SRBD1: variants seen among roughly 807,000 people sequenced by gnomAD.
SRBD1 encodes S1 RNA-binding domain-containing protein 1.
Under a neutral mutation model 115.3 loss-of-function variants are expected in SRBD1, and 88 were observed. The ratio of observed to expected loss-of-function variants is 0.76; its 90% CI spans 0.64 to 0.91. The LOEUF is 0.91. Among genes scored for constraint, SRBD1 ranks in the 40% least tolerant of loss-of-function variants. The probability of loss-of-function intolerance (pLI) is 0.00; values close to 1 mark genes in which losing one functional copy is unlikely to be tolerated. For missense variants in SRBD1, 1,385 were observed against 1,177.4 expected, an observed-to-expected ratio of 1.18 and a Z score of -2.58; for synonymous variants, 509 against 407.7, an observed-to-expected ratio of 1.25 and a Z score of -2.99.
chr2:45,540,378 T>C (rs982366596), intron 14 of SRBD1, among the ~76,000 whole-genome samples: 14 of 150,910 alleles, frequency 9.3e-5, no homozygotes, highest in Non-Finnish European at 4.4e-5. Context: ...TGGATGTCAA[T>C]TCTCCAAAAA....
intron 15 of SRBD1, among the ~76,000 whole-genome samples, chr2:45,477,427 C>G (rs536560801): frequency 6.6e-6 from 1 of 152,294 alleles, no homozygotes; most frequent in Admixed American, 6.5e-5. Flanking sequence ...TCATGCTTCA[C>G]AGAGGAAGCA....
At chr2:45,608,491 C>G (rs1674342901) in intron 1 of SRBD1, among the ~76,000 whole-genome samples, 2 of 152,152 alleles carry the variant, frequency 1.3e-5, no homozygotes, top group Admixed American at 1.3e-4. Flanking sequence ...CCTGTTTCTC[C>G]ATCTCCACTA....
intron 10 of SRBD1, among the ~76,000 whole-genome samples, chr2:45,562,281 G>A (rs900006869): frequency 2.6e-5 from 4 of 152,184 alleles, no homozygotes; most frequent in Admixed American, 6.5e-5. Context: ...AGGCTGGAGT[G>A]CAGTGGTGTG....
chr2:45,398,682 G>A (rs967150355), intron 19 of SRBD1, among the ~76,000 whole-genome samples: 2 of 151,970 alleles, frequency 1.3e-5, no homozygotes, highest in East Asian at 1.9e-4. Context: ...AAAAAGTCCC[G>A]AGATAGAAAT....
chr2:45,582,639 T>A (rs1301147629), intron 5 of SRBD1, among the ~76,000 whole-genome samples: 1 of 152,188 alleles, frequency 6.6e-6, no homozygotes, highest in East Asian at 1.9e-4. Context: ...ATCTTAATGT[T>A]CAAATTTTTC....
At chr2:45,521,308 C>T (rs902374811) in intron 14 of SRBD1, among the ~76,000 whole-genome samples, 1 of 151,202 alleles carries the variant, frequency 6.6e-6, no homozygotes, top group Non-Finnish European at 1.5e-5. Flanking sequence ...CACACACACA[C>T]ACACACACAC....
intron 4 of SRBD1, among the ~76,000 whole-genome samples, chr2:45,587,795 C>T (rs190071320): frequency 6.6e-6 from 1 of 152,306 alleles, no homozygotes; most frequent in Admixed American, 6.5e-5. Context: ...TTCACATGAG[C>T]TCTAGACTCA....
intron 14 of SRBD1, among the ~76,000 whole-genome samples, chr2:45,525,847 T>C (rs936175857): frequency 2.0e-5 from 3 of 151,990 alleles, no homozygotes; most frequent in East Asian, 1.9e-4. Context: ...TACATACAAA[T>C]TGCCAATAAG....
chr2:45,448,088 A>C (rs142751810), intron 16 of SRBD1: 2 of 152,334 alleles, frequency 1.3e-5, no homozygotes, highest in Admixed American at 1.3e-4. Context: ...TCAATAAGAT[A>C]AGATTATTAC....
intron 16 of SRBD1, among the ~76,000 whole-genome samples, chr2:45,426,141 T>C (rs1049045123): frequency 2.6e-5 from 4 of 152,238 alleles, no homozygotes; most frequent in Middle Eastern, 3.4e-3. Context: ...GAAGTCAACC[T>C]GGGATGCTAG....
chr2:45,406,241 T>C (rs1293906682), intron 19 of SRBD1, among the ~76,000 whole-genome samples: 1 of 151,636 alleles, frequency 6.6e-6, no homozygotes, highest in African/African-American at 2.4e-5. Context: ...GGAGGAGCAG[T>C]GTAGGGAAGG....
At chr2:45,441,726 G>A (rs981506751) in intron 16 of SRBD1, among the ~76,000 whole-genome samples, 2 of 152,218 alleles carry the variant, frequency 1.3e-5, no homozygotes, top group Non-Finnish European at 2.9e-5. Context: ...AAAATAGGAG[G>A]AGATACTGGT....
At chr2:45,557,823 T>A (rs1474801665) in intron 10 of SRBD1, among the ~76,000 whole-genome samples, 1 of 152,212 alleles carries the variant, frequency 6.6e-6, no homozygotes, top group Non-Finnish European at 1.5e-5. Context: ...ATTCTTCCTC[T>A]AATTCAACAG....
At chr2:45,551,566 T>C (rs560527046) in intron 11 of SRBD1, among the ~76,000 whole-genome samples, 1 of 152,316 alleles carries the variant, frequency 6.6e-6, no homozygotes, top group South Asian at 2.1e-4. Context: ...AATATGTGTA[T>C]ATGTGAGAAA....
chr2:45,523,036 G>C (rs1003882286), intron 14 of SRBD1, among the ~76,000 whole-genome samples: 1 of 151,970 alleles, frequency 6.6e-6, no homozygotes, highest in Non-Finnish European at 1.5e-5. Flanking sequence ...CTGGTCCCAA[G>C]CATGTGATAT....
chr2:45,601,786 G>T, intron 3 of SRBD1, 117 bp downstream of exon 3: 1 of 1,320,388 alleles, frequency 7.6e-7, no homozygotes, highest in Non-Finnish European at 1.0e-6. Context: ...GGTAGGGGAT[G>T]CCATTGCTGG....
chr2:45,500,265 TTCTGTGCATGTC>T (rs1388781789), intron 14 of SRBD1, among the ~76,000 whole-genome samples: 6 of 151,136 alleles, frequency 4.0e-5, no homozygotes, highest in Non-Finnish European at 7.4e-5. Context: ...GTTAAATTTA[TTCTGTGCATGTC>T]TCTGTGTGTG....
chr2:45,445,550 T>TTAA (rs371148884), intron 16 of SRBD1, among the ~76,000 whole-genome samples: 2 of 37,026 alleles, frequency 5.4e-5, no homozygotes, highest in African/African-American at 7.5e-5. Context: ...TTCCCAGAGG[T>TTAA]AAAAAAAAAA....
intron 16 of SRBD1, among the ~76,000 whole-genome samples, chr2:45,459,854 A>T (rs1292974866): frequency 6.6e-6 from 1 of 152,152 alleles, no homozygotes; most frequent in Non-Finnish European, 1.5e-5. Flanking sequence ...AACCACACTG[A>T]ACAAGGATGG....
Sources: allele counts gnomAD v4.1 joint callset (sites outside exome capture counted in the v4.1 genomes callset), GRCh38; gene constraint gnomAD v4.1.1; transcripts MANE v1.5; gene names NCBI Gene and HGNC (gene_info 2026-07-23, HGNC 2026-07-21).